CSMD3: variants seen among roughly 807,000 people sequenced by gnomAD.
CSMD3 encodes the protein CUB and sushi domain-containing protein 3.
In CSMD3, 177 loss-of-function variants were observed where a neutral mutation model predicts 435.2. That is an observed-to-expected ratio of 0.41 (90% CI 0.36 to 0.46). CSMD3 has a LOEUF of 0.46. Among genes scored for constraint, CSMD3 ranks in the 20% least tolerant of loss-of-function variants. The pLI is 0.34. For synonymous variants in CSMD3, 1,656 were observed against 1,520.5 expected (o/e 1.09, Z -2.07); for missense variants, 4,265 against 4,504.6 (o/e 0.95, Z 1.52).
chr8:112,982,964 G>T (rs925478221), intron 6 of CSMD3, among the ~76,000 whole-genome samples: 1 of 151,820 alleles, frequency 6.6e-6, no homozygotes, highest in South Asian at 2.1e-4. Context: ...TAGAATAGAG[G>T]TATGAAAAAG....
chr8:112,842,741 T>C (rs915542905), intron 11 of CSMD3, among the ~76,000 whole-genome samples: 6 of 151,814 alleles, frequency 4.0e-5, no homozygotes, highest in Non-Finnish European at 8.8e-5. Context: ...TATTAGTATA[T>C]GAGGAATTTT....
At chr8:113,335,799 T>C (rs1204068961) in intron 1 of CSMD3, among the ~76,000 whole-genome samples, 3 of 152,056 alleles carry the variant, frequency 2.0e-5, no homozygotes, top group Admixed American at 6.6e-5. Flanking sequence ...TGAGTACTTC[T>C]GTATCTTTTA....
chr8:113,436,163 CA>C, intron 1 of CSMD3, among the ~76,000 whole-genome samples: 1 of 152,290 alleles, frequency 6.6e-6, no homozygotes, highest in South Asian at 2.1e-4. Context: ...CATATGCATG[CA>C]GACATTCATG....
chr8:113,357,285 G>A (rs903641559), intron 1 of CSMD3, among the ~76,000 whole-genome samples: 3 of 152,172 alleles, frequency 2.0e-5, no homozygotes, highest in Admixed American at 6.5e-5. Context: ...TTTCACTCTC[G>A]TTTCCAGATG....
chr8:112,621,678 T>TC (rs1382339786), intron 22 of CSMD3, among the ~76,000 whole-genome samples: 1 of 152,146 alleles, frequency 6.6e-6, no homozygotes, highest in East Asian at 1.9e-4. Context: ...TACTTGTTTT[T>TC]CTCATATTTT....
intron 6 of CSMD3, among the ~76,000 whole-genome samples, chr8:113,014,867 CA>C (rs1361127239): frequency 1.3e-5 from 2 of 151,612 alleles, no homozygotes; most frequent in Non-Finnish European, 2.9e-5. Flanking sequence ...ATTGAAGAGT[CA>C]AAAAAAGAAG....
intron 9 of CSMD3, among the ~76,000 whole-genome samples, chr8:112,925,843 T>A (rs543455169): frequency 6.6e-6 from 1 of 152,322 alleles, no homozygotes; most frequent in East Asian, 1.9e-4. Flanking sequence ...ATTTTCTAGG[T>A]CTGCTCCTGT....
intron 12 of CSMD3, among the ~76,000 whole-genome samples, chr8:112,811,001 T>A (rs2079210269): frequency 6.6e-6 from 1 of 152,046 alleles, no homozygotes; most frequent in Admixed American, 6.6e-5. Context: ...ATCAAGAATC[T>A]GCTTGAACTA....
chr8:112,548,674 G>T (rs1015759704), intron 27 of CSMD3, among the ~76,000 whole-genome samples: 1 of 152,056 alleles, frequency 6.6e-6, no homozygotes, highest in African/African-American at 2.4e-5. Context: ...CACCCATCAA[G>T]ACTTCATTCA....
intron 3 of CSMD3, among the ~76,000 whole-genome samples, chr8:113,265,085 A>G (rs980036305): frequency 5.3e-5 from 8 of 151,776 alleles, no homozygotes; most frequent in Non-Finnish European, 8.9e-5. Flanking sequence ...ACATGTTGCT[A>G]AACGTGTCAT....
intron 3 of CSMD3, among the ~76,000 whole-genome samples, chr8:113,186,143 T>C (rs2092497739): frequency 6.6e-6 from 1 of 151,980 alleles, no homozygotes; most frequent in South Asian, 2.1e-4. Context: ...CTTCCATGCA[T>C]GGAAAAGGGT....
At chr8:113,216,529 C>G (rs960635180) in intron 3 of CSMD3, among the ~76,000 whole-genome samples, 1 of 151,852 alleles carries the variant, frequency 6.6e-6, no homozygotes, top group Non-Finnish European at 1.5e-5. Context: ...ATTAAACAAG[C>G]TTCAAAAAAT....
At chr8:112,779,317 G>A (rs2078324688) in intron 13 of CSMD3, among the ~76,000 whole-genome samples, 1 of 151,830 alleles carries the variant, frequency 6.6e-6, no homozygotes, top group Non-Finnish European at 1.5e-5. Context: ...TCATATTTGA[G>A]GACAGAATCT....
Position 112,474,561 on chromosome 8 carries a change from A to G in CSMD3, c.5279-1854T>C, listed in dbSNP as rs552861693. 1.2e-4 allele frequency among the ~76,000 whole-genome samples: 19 copies of G among 152,270 alleles called. 1 individual carries two copies. In the South Asian group the frequency reaches 3.7e-3, roughly 30 times the overall value. On this transcript the variant is annotated intron_variant, in intron 31 of 70. Coordinates refer to ENST00000297405, the MANE Select transcript of CSMD3 (RefSeq NM_198123.2). ...TCCCATTAGATATCAGTAGTGGCTTACCTCTGTGACTTGAGAAAAGGAGAT... is the reference window on the plus strand; with the variant it reads ...TCCCATTAGATATCAGTAGTGGCTTGCCTCTGTGACTTGAGAAAAGGAGAT...
At chr8:113,125,546 A>T (rs2131654998) in intron 4 of CSMD3, among the ~76,000 whole-genome samples, 1 of 152,002 alleles carries the variant, frequency 6.6e-6, no homozygotes, top group African/African-American at 2.4e-5. Flanking sequence ...AGAGAAAAGG[A>T]ATAAAGAGGA....
At chr8:112,482,583 T>G (rs1271430770) in intron 31 of CSMD3, among the ~76,000 whole-genome samples, 1 of 152,180 alleles carries the variant, frequency 6.6e-6, no homozygotes. Context: ...TTTAGGAAAC[T>G]GTATGGGAAG....
chr8:112,892,626 C>T (rs565605130), intron 10 of CSMD3, among the ~76,000 whole-genome samples: 17 of 151,572 alleles, frequency 1.1e-4, no homozygotes, highest in African/African-American at 3.1e-4. Flanking sequence ...CACTTTTGTA[C>T]TTACTGTTCT....
chr8:113,108,518 A>G (rs1318508379), intron 4 of CSMD3, among the ~76,000 whole-genome samples: 1 of 152,166 alleles, frequency 6.6e-6, no homozygotes, highest in East Asian at 1.9e-4. Context: ...TTGTTAATTA[A>G]TTTATATTCT....
chr8:113,418,276 G>A (rs1033461370), intron 1 of CSMD3, among the ~76,000 whole-genome samples: 7 of 152,234 alleles, frequency 4.6e-5, no homozygotes, highest in Admixed American at 2.0e-4. Flanking sequence ...AGAGCATTTA[G>A]ATTATCTAGA....
Sources: allele counts gnomAD v4.1 joint callset (sites outside exome capture counted in the v4.1 genomes callset), GRCh38; gene constraint gnomAD v4.1.1; transcripts MANE v1.5; gene names NCBI Gene and HGNC (gene_info 2026-07-23, HGNC 2026-07-21).